The following MAP3K7CL variants were observed in gnomAD, a reference collection of about 807,000 sequenced individuals.
MAP3K7CL encodes the protein MAP3K7 C-terminal-like protein.
A neutral mutation model predicts 18.6 loss-of-function variants in MAP3K7CL; 16 were observed. The ratio of observed to expected loss-of-function variants is 0.86; its 90% CI spans 0.58 to 1.31. The LOEUF (loss-of-function observed/expected upper bound fraction) is 1.31. Among genes scored for constraint, MAP3K7CL ranks in the 50% most tolerant of loss-of-function variants. The pLI, the probability that MAP3K7CL is intolerant of heterozygous loss-of-function variation, is 0.00. For synonymous variants in MAP3K7CL, 65 were observed against 66.8 expected (o/e 0.97, Z 0.13); for missense variants, 163 against 174.4 (o/e 0.93, Z 0.37).
intron 1 of MAP3K7CL, among the ~76,000 whole-genome samples, chr21:29,090,850 T>C (rs2086014211): frequency 6.6e-6 from 1 of 151,988 alleles, no homozygotes; most frequent in Admixed American, 6.6e-5. Context: ...CTCTCTATAC[T>C]GCATTGGTCA....
At chr21:29,090,620 C>A (rs955527322) in intron 1 of MAP3K7CL, among the ~76,000 whole-genome samples, 1 of 152,172 alleles carries the variant, frequency 6.6e-6, no homozygotes, top group Non-Finnish European at 1.5e-5. Flanking sequence ...ACCTCGTGAT[C>A]CGCCTGCCTT....
intron 2 of MAP3K7CL, among the ~76,000 whole-genome samples, chr21:29,147,433 TA>T (rs2087157179): frequency 6.6e-6 from 1 of 151,968 alleles, no homozygotes; most frequent in Non-Finnish European, 1.5e-5. Context: ...ATGTACTGCA[TA>T]TGTATCTGTA....
rs758836784 is a variant in MAP3K7CL, at chr21:29,091,611, G to A, written c.133+35G>A. 126 of 700,682 alleles carry A rather than the reference G, an allele frequency of 1.8e-4. No individual in the cohort carries two copies. In the African/African-American group the frequency reaches 2.0e-3, roughly 11 times the overall value. 43.4% of individuals were successfully genotyped at this position (700,682 alleles called of 1,614,324 possible). ...CCACCTCAGCCCCTCAAGTAACTGG[G>A]ACCACAGGCGTGCACCACCACATCC... On this transcript the variant is annotated intron_variant, in intron 2 of 6. Transcript: ENST00000286791.
chr21:29,156,300 A>G (rs1046755398), intron 3 of MAP3K7CL, among the ~76,000 whole-genome samples: 3 of 152,256 alleles, frequency 2.0e-5, no homozygotes, highest in Admixed American at 6.5e-5. Context: ...TGTTTCTTTT[A>G]TTCCAAGAAG....
At chr21:29,114,317 C>T (rs556824698) in intron 4 of MAP3K7CL, among the ~76,000 whole-genome samples, 2 of 130,336 alleles carry the variant, frequency 1.5e-5, no homozygotes, top group South Asian at 4.7e-4. Context: ...GATCTGCCCA[C>T]CTCGGCATCC....
intron 4 of MAP3K7CL, among the ~76,000 whole-genome samples, chr21:29,171,422 G>T (rs182971401): frequency 8.5e-5 from 13 of 152,310 alleles, no homozygotes; most frequent in Admixed American, 8.5e-4. Context: ...GGTGCAGGAA[G>T]AAAATACTAG....
chr21:29,112,213 G>T (rs533906034), intron 4 of MAP3K7CL, among the ~76,000 whole-genome samples: 1 of 152,244 alleles, frequency 6.6e-6, no homozygotes, highest in Non-Finnish European at 1.5e-5. Flanking sequence ...CAAGGGAATC[G>T]CTTGAACCCA....
Position 29,104,011 on chromosome 21 carries a change from A to G in MAP3K7CL, c.370+11430A>G, listed in dbSNP as rs182742041. Among the ~76,000 whole-genome samples, 90 of 152,294 alleles carry G rather than the reference A, an allele frequency of 5.9e-4. No homozygotes were observed. The Middle Eastern group carries it at 0.01, about 17-fold the overall frequency. On this transcript the variant is annotated intron_variant, in intron 4 of 6. Transcript: ENST00000286791. ...TAGATACCTAATATGGAGGAAACTG[A>G]CAATGCTTTAATTTGTGTTGAGAGC...
intron 1 of MAP3K7CL, among the ~76,000 whole-genome samples, chr21:29,131,751 T>A (rs1189157048): frequency 6.6e-6 from 1 of 152,238 alleles, no homozygotes. Context: ...GGTTTTAATA[T>A]AAGCCTGATC....
At chr21:29,117,347 G>T (rs1030200208) in intron 4 of MAP3K7CL, among the ~76,000 whole-genome samples, 2 of 152,176 alleles carry the variant, frequency 1.3e-5, no homozygotes, top group Non-Finnish European at 2.9e-5. Context: ...TATCTCATTT[G>T]TGAGGCTGGG....
At chr21:29,145,314 C>T (rs1348092759) in intron 2 of MAP3K7CL, among the ~76,000 whole-genome samples, 2 of 152,002 alleles carry the variant, frequency 1.3e-5, no homozygotes, top group African/African-American at 4.8e-5. Context: ...TAGAGGGTCT[C>T]TTGTACAGCT....
At chr21:29,087,338 T>C in intron 1 of MAP3K7CL, among the ~76,000 whole-genome samples, 1 of 152,182 alleles carries the variant, frequency 6.6e-6, no homozygotes, top group East Asian at 1.9e-4. Flanking sequence ...CATTAATTAA[T>C]TTTAAAAACT....
At chr21:29,151,014 C>T (rs578149529) in intron 3 of MAP3K7CL, among the ~76,000 whole-genome samples, 21 of 151,586 alleles carry the variant, frequency 1.4e-4, no homozygotes, top group East Asian at 8.0e-4. Flanking sequence ...AAGTGATCCG[C>T]CCGCCTCAGC....
chr21:29,140,175 G>C (rs1344556084), intron 2 of MAP3K7CL, among the ~76,000 whole-genome samples: 1 of 152,190 alleles, frequency 6.6e-6, no homozygotes, highest in Non-Finnish European at 1.5e-5. Context: ...ATGGAGCACA[G>C]AGTTGAGAAC....
At chr21:29,098,254 T>G (rs1239595364) in intron 4 of MAP3K7CL, among the ~76,000 whole-genome samples, 1 of 152,214 alleles carries the variant, frequency 6.6e-6, no homozygotes, top group African/African-American at 2.4e-5. Context: ...GATTTTTCTC[T>G]CCGTGTGCTC....
chr21:29,108,725 A>G (rs1050230506), intron 4 of MAP3K7CL, among the ~76,000 whole-genome samples: 1 of 152,184 alleles, frequency 6.6e-6, no homozygotes, highest in African/African-American at 2.4e-5. Context: ...GCCATCTCAC[A>G]GCACTGTTGG....
intron 4 of MAP3K7CL, among the ~76,000 whole-genome samples, chr21:29,112,202 G>A (rs1178787693): frequency 6.6e-6 from 1 of 152,162 alleles, no homozygotes; most frequent in Non-Finnish European, 1.5e-5. Context: ...AGAGGCTGAG[G>A]CAAGGGAATC....
intron 2 of MAP3K7CL, among the ~76,000 whole-genome samples, chr21:29,137,757 A>G (rs920420292): frequency 1.3e-5 from 2 of 152,126 alleles, no homozygotes; most frequent in Non-Finnish European, 2.9e-5. Flanking sequence ...ATACTTACAT[A>G]GGGTACTGTT....
rs138623228 is a variant in MAP3K7CL, at chr21:29,148,183, T to C, written c.71-1006T>C. Among the ~76,000 whole-genome samples the C allele has an allele frequency of 5.8e-3, 889 of 152,154 alleles. 5 individuals carry two copies. The highest frequency in any genetic ancestry group is 0.02 in the African/African-American group (848 of 41,476). On this transcript the variant is annotated intron_variant, in intron 2 of 4. Coordinates refer to ENST00000399928, the MANE Select transcript of MAP3K7CL (RefSeq NM_001286620.2). ...GTACTGTACCTGTACTGTATGTATA[T>C]GTGTACTGTATATATACCTGTACTG... is the stretch of plus-strand genomic sequence containing the variant.
Sources: allele counts gnomAD v4.1 joint callset (sites outside exome capture counted in the v4.1 genomes callset), GRCh38; gene constraint gnomAD v4.1.1; transcripts MANE v1.5; gene names NCBI Gene and HGNC (gene_info 2026-07-23, HGNC 2026-07-21).